Variants in GUCA1C observed in about 807,000 individuals in gnomAD.
The protein encoded by GUCA1C is guanylyl cyclase-activating protein 3.
A neutral mutation model predicts 16.2 loss-of-function variants in GUCA1C; 15 were observed. That is an observed-to-expected ratio of 0.93 (90% confidence interval 0.62 to 1.43). The LOEUF (loss-of-function observed/expected upper bound fraction) is 1.43, where lower values mean the gene tolerates loss of function less well. Ranked by LOEUF, GUCA1C falls within the 40% of genes most tolerant of loss-of-function variation. GUCA1C has a pLI of 0.00. For missense variants in GUCA1C, 275 were observed against 244.8 expected, an observed-to-expected ratio of 1.12 and a Z score of -0.82; for synonymous variants, 78 against 85.4, an observed-to-expected ratio of 0.91 and a Z score of 0.48.
intron 1 of GUCA1C, among the ~76,000 whole-genome samples, chr3:108,930,391 C>T (rs963165303): frequency 2.0e-5 from 3 of 152,176 alleles, no homozygotes; most frequent in Non-Finnish European, 2.9e-5. Context: ...ATAAGAAAAG[C>T]AACTGAGAAA....
At chr3:108,939,857 T>A (rs923178640) in intron 1 of GUCA1C, among the ~76,000 whole-genome samples, 5 of 152,142 alleles carry the variant, frequency 3.3e-5, no homozygotes, top group African/African-American at 1.2e-4. Context: ...AAACATTGTT[T>A]TGATTTAGTT....
intron 3 of GUCA1C, among the ~76,000 whole-genome samples, chr3:108,908,985 T>C (rs1946420143): frequency 6.6e-6 from 1 of 151,614 alleles, no homozygotes; most frequent in South Asian, 2.1e-4. Context: ...CCAGGGGAGG[T>C]TTGTGGATGG....
rs377117090 is a variant in GUCA1C, at chr3:108,953,809, T to G, written c.-47A>C. On this transcript the variant is annotated 5_prime_UTR_variant, in exon 1 of 4. Coordinates refer to ENST00000261047, the MANE Select transcript of GUCA1C (RefSeq NM_005459.4). ...TTTCCTCAGGTTGTTTTCACTTAAGTTTTTGCTGGATTTAGTCCCTTACTC... is the reference window on the plus strand; with the variant it reads ...TTTCCTCAGGTTGTTTTCACTTAAGGTTTTGCTGGATTTAGTCCCTTACTC... The G allele has an allele frequency of 1.3e-5, 19 of 1,415,622 alleles. No homozygotes were observed. Among genetic ancestry groups the G allele is most frequent in the Middle Eastern group, 1.8e-4 (1 of 5,714 alleles). 87.7% of individuals were successfully genotyped at this position (1,415,622 alleles called of 1,614,324 possible).
intron 1 of GUCA1C, among the ~76,000 whole-genome samples, chr3:108,935,459 G>T (rs1238618104): frequency 6.6e-6 from 1 of 152,110 alleles, no homozygotes; most frequent in Non-Finnish European, 1.5e-5. Flanking sequence ...GGGAGGCCGA[G>T]GAAGGCAGAT....
At chr3:108,946,137 A>C (rs1946841731) in intron 1 of GUCA1C, among the ~76,000 whole-genome samples, 1 of 152,102 alleles carries the variant, frequency 6.6e-6, no homozygotes, top group African/African-American at 2.4e-5. Context: ...TGATTGTGGT[A>C]ATTTGTTTTT....
intron 2 of GUCA1C, among the ~76,000 whole-genome samples, chr3:108,917,617 C>T (rs1946530786): frequency 1.3e-5 from 2 of 152,096 alleles, no homozygotes; most frequent in Non-Finnish European, 2.9e-5. Context: ...GGAGAGTTCT[C>T]ACTTGGCAAG....
chr3:108,938,127 T>C (rs961105728), intron 1 of GUCA1C, among the ~76,000 whole-genome samples: 3 of 152,112 alleles, frequency 2.0e-5, no homozygotes, highest in Non-Finnish European at 4.4e-5. Context: ...TAAACCCATT[T>C]ATTCTATGTA....
chr3:108,954,815 C>A (rs1313448736), upstream of GUCA1C, among the ~76,000 whole-genome samples: 2 of 149,642 alleles, frequency 1.3e-5, no homozygotes, highest in Non-Finnish European at 3.0e-5. Context: ...CAGCTCACTG[C>A]AAGCTCCACC....
chr3:108,918,332 T>G (rs1234569264), intron 2 of GUCA1C, among the ~76,000 whole-genome samples: 1 of 152,230 alleles, frequency 6.6e-6, no homozygotes, highest in Non-Finnish European at 1.5e-5. Flanking sequence ...CATAGCTCTA[T>G]GCCAGCTTCC....
chr3:108,924,168 T>C (rs1343820017), intron 1 of GUCA1C, among the ~76,000 whole-genome samples: 1 of 152,180 alleles, frequency 6.6e-6, no homozygotes, highest in African/African-American at 2.4e-5. Flanking sequence ...TTGCTCTTGG[T>C]AGGACTTCCA....
intron 1 of GUCA1C, among the ~76,000 whole-genome samples, chr3:108,928,509 T>C (rs768695190): frequency 4.6e-5 from 7 of 152,226 alleles, no homozygotes; most frequent in Admixed American, 6.5e-5. Context: ...AAAACATCAT[T>C]ACCAAACCCA....
chr3:108,953,294 C>T (rs1043760114), intron 1 of GUCA1C, among the ~76,000 whole-genome samples: 2 of 151,974 alleles, frequency 1.3e-5, no homozygotes, highest in Non-Finnish European at 2.9e-5. Context: ...AATTCCATGC[C>T]GAGATTTAAT....
At chr3:108,942,006 T>C (rs1320536759) in intron 1 of GUCA1C, among the ~76,000 whole-genome samples, 4 of 152,188 alleles carry the variant, frequency 2.6e-5, no homozygotes, top group African/African-American at 9.7e-5. Context: ...TAATTAGAGC[T>C]GTTTTTTCCA....
chr3:108,922,549 G>T (rs548883706), intron 1 of GUCA1C, among the ~76,000 whole-genome samples: 8 of 151,692 alleles, frequency 5.3e-5, no homozygotes, highest in Admixed American at 4.6e-4. Flanking sequence ...GGAGTGAGGT[G>T]ATATTGCATT....
Position 108,953,563 on chromosome 3 carries a change from T to G in GUCA1C, c.200A>C (p.Asn67Thr). 1 of 1,582,738 alleles carries G rather than the reference T, an allele frequency of 6.3e-7. No homozygotes were observed. The change falls in exon 1 of 4, where the codon AAC (asparagine) becomes ACC (threonine). Residue 67 changes from asparagine to threonine, a missense_variant. Asn to Thr is a moderately conservative substitution (Grantham distance 65). Coordinates refer to ENST00000261047, the MANE Select transcript of GUCA1C (RefSeq NM_005459.4). ...IDQVYNTFDT[N>T]KDGFVDFLEF... ...ATGAAAAATGAAAGATCTTACCTTG[T>G]TCGTGTCAAAGGTATTATAAACTTG...
intron 1 of GUCA1C, among the ~76,000 whole-genome samples, chr3:108,949,148 A>T (rs1288131620): frequency 2.6e-5 from 4 of 151,958 alleles, no homozygotes; most frequent in Non-Finnish European, 5.9e-5. Context: ...GCAGTGGCCA[A>T]TTTTTCTGAT....
At chr3:108,910,886 G>A (rs1183749503) in intron 3 of GUCA1C, among the ~76,000 whole-genome samples, 1 of 151,930 alleles carries the variant, frequency 6.6e-6, no homozygotes, top group South Asian at 2.1e-4. Flanking sequence ...TCCTGACCTC[G>A]TGATCCACCC....
At chr3:108,925,494 C>T (rs34415396) in intron 1 of GUCA1C, among the ~76,000 whole-genome samples, 3,854 of 152,226 alleles carry the variant, frequency 0.025, 72 homozygotes, top group Middle Eastern at 0.12. Flanking sequence ...GACTACTTGA[C>T]ATAATTTCAA....
chr3:108,911,998 C>A lies in GUCA1C; in HGVS notation c.443-3789G>T, dbSNP rs968457863. 2.6e-5 allele frequency among the ~76,000 whole-genome samples: 4 copies of A among 151,278 alleles called. No homozygotes were observed. In the East Asian group the frequency reaches 7.8e-4, roughly 30 times the overall value. On this transcript the variant is annotated intron_variant, in intron 3 of 3. Transcript: ENST00000261047. ...GTGGGTGACTGTAATCCCAGCTACTCGGGAGGCTGAGGCAGGAGAATCACT... is the reference window on the plus strand; with the variant it reads ...GTGGGTGACTGTAATCCCAGCTACTAGGGAGGCTGAGGCAGGAGAATCACT...
Sources: gnomAD v4.1 joint callset for allele counts (sites outside exome capture counted in the v4.1 genomes callset) on GRCh38, gnomAD v4.1.1 for gene constraint, MANE v1.5 for transcripts, NCBI Gene and HGNC (gene_info 2026-07-23, HGNC 2026-07-21) for gene names.